LRP8: variants seen among roughly 807,000 people sequenced by gnomAD.
LRP8 encodes the protein LDL receptor related protein 8.
Under a neutral mutation model 111.6 loss-of-function variants are expected in LRP8, and 46 were observed. That is an observed-to-expected ratio of 0.41 (90% confidence interval 0.33 to 0.53). The LOEUF is 0.53. LRP8 is among the 20% of genes least tolerant of loss of function. The probability of loss-of-function intolerance (pLI) is 0.20; values close to 1 mark genes in which losing one functional copy is unlikely to be tolerated. For missense variants in LRP8, 959 were observed against 1,297.4 expected (o/e 0.74, Z 4.01); for synonymous variants, 464 against 511.2 (o/e 0.91, Z 1.24).
chr1:53,271,298 G>A lies in LRP8; in HGVS notation c.1055C>T (p.Thr352Ile). The A allele has an allele frequency of 6.2e-7, 1 of 1,614,046 alleles. No homozygotes were observed. Among genetic ancestry groups the A allele is most frequent in the Non-Finnish European group, 8.5e-7 (1 of 1,180,022 alleles). ...HNNGGCSHIC[T>I]DLKIGFECTC... is the part of the protein sequence containing the mutation. ...GCATTCAAAGCCAATCTTGAGGTCA[G>A]TGCAGATGTGTGAGCAGCCGCCATT... Residue 352 changes from threonine to isoleucine, a missense_variant, in exon 7 of 19, where the codon ACT (threonine) becomes ATT (isoleucine). Physicochemically the swap from Thr to Ile is moderately conservative, Grantham distance 89 (BLOSUM62 -1). Coordinates refer to ENST00000306052, the MANE Select transcript of LRP8 (RefSeq NM_004631.5).
In LRP8 at chr1:53,275,624, C is replaced by A; in HGVS notation, c.1006+7G>T. ...GAGGATGTGTTCTGTGCCCTGACCACACGCACCCTGTAGGCAGCCAGCTTC... is the reference window on the plus strand; with the variant it reads ...GAGGATGTGTTCTGTGCCCTGACCAAACGCACCCTGTAGGCAGCCAGCTTC... On this transcript the variant is annotated splice_region_variant and intron_variant, in intron 6 of 18. Transcript: ENST00000306052. The surrounding 1 kb of genome is among the most constrained non-coding windows in gnomAD (Gnocchi z 4.4). 6.2e-7 allele frequency: 1 copy of A among 1,613,916 alleles called. No homozygotes were observed. Among genetic ancestry groups the A allele is most frequent in the Non-Finnish European group, 8.5e-7 (1 of 1,179,890 alleles).
Position 53,270,920 on chromosome 1 carries a change from T to G in LRP8, c.1252+108A>C, listed in dbSNP as rs180760060. The G allele has an allele frequency of 3.5e-4, 527 of 1,510,504 alleles. 2 individuals are homozygous for G. Among genetic ancestry groups the G allele is most frequent in the Non-Finnish European group, 4.5e-5 (49 of 1,098,004 alleles). The allele number at this position is 1,510,504 out of a possible 1,614,324, so 93.6% of individuals were successfully genotyped here. On this transcript the variant is annotated intron_variant, in intron 8 of 18. Transcript: ENST00000306052. Reference sequence around the variant, plus strand: ...TCCCGTACCTCTCAGTAACACAACCTGCCTTCTTGTGTGTGCGCACATGTA... The same window carrying G: ...TCCCGTACCTCTCAGTAACACAACCGGCCTTCTTGTGTGTGCGCACATGTA...
At chr1:53,289,814 G>A in intron 2 of LRP8, 125 bp from the exon 3 acceptor site, 1 of 1,245,478 alleles carries the variant, frequency 8.0e-7, no homozygotes, top group Non-Finnish European at 1.1e-6. Context: ...CAGAGGACAG[G>A]AGAGACAAGC....
chr1:53,246,886 A>T lies in LRP8; in HGVS notation c.*132T>A, dbSNP rs577565489. ...GGTTACCTTTCCGCAACATAAATTTAAAAAAAAAATCACACACACACATAC... is the reference window on the plus strand; with the variant it reads ...GGTTACCTTTCCGCAACATAAATTTTAAAAAAAAATCACACACACACATAC... On this transcript the variant is annotated 3_prime_UTR_variant, in exon 19 of 19. Coordinates refer to ENST00000306052, the MANE Select transcript of LRP8 (RefSeq NM_004631.5). 1.0e-4 allele frequency: 62 copies of T among 598,066 alleles called. No homozygotes were observed. The highest frequency in any genetic ancestry group is 6.6e-4 in the African/African-American group (27 of 40,952). 37.0% of individuals were successfully genotyped at this position (598,066 alleles called of 1,614,324 possible).
At position 53,265,772 on chromosome 1, in the gene LRP8, G is replaced by A. The variant is rs74086828; in HGVS notation, c.1427+701C>T. On this transcript the variant is annotated intron_variant, in intron 9 of 18. Transcript: ENST00000306052. ...ATCAGTGACTCAGTGTCTACCCAGC[G>A]CCTGGTCATCGGCATTCCTGCCAAG... 2.8e-3 allele frequency among the ~76,000 whole-genome samples: 426 copies of A among 152,326 alleles called. 1 individual carries two copies. The highest frequency in any genetic ancestry group is 9.9e-3 in the African/African-American group (410 of 41,566).
At chr1:53,261,712 C>T (rs1646346082) in intron 12 of LRP8, among the ~76,000 whole-genome samples, 1 of 152,212 alleles carries the variant, frequency 6.6e-6, no homozygotes, top group Non-Finnish European at 1.5e-5. Flanking sequence ...GTAAATGATT[C>T]TAAGGATATG....
Position 53,250,420 on chromosome 1 carries a change from G to A in LRP8, c.2676+270C>T, listed in dbSNP as rs1251197639. On this transcript the variant is annotated intron_variant, in intron 17 of 18. Transcript: ENST00000306052. The surrounding 1 kb of genome is among the most constrained non-coding windows in gnomAD (Gnocchi z 4.6). ...TACCCCAGCATTTCTGTGTTCCCCA[G>A]GGCCTAGAACAGTGCCTGATACATG... Among the ~76,000 whole-genome samples the A allele has an allele frequency of 1.3e-5, 2 of 151,990 alleles. No homozygotes were observed. The highest frequency in any genetic ancestry group is 2.9e-5 in the Non-Finnish European group (2 of 68,022).
rs747304928 is a variant in LRP8, at chr1:53,264,179, G to A, written c.1645C>T (p.Pro549Ser). The A allele has an allele frequency of 1.2e-6, 2 of 1,613,988 alleles. No homozygotes were observed. Among genetic ancestry groups the A allele is most frequent in the Non-Finnish European group, 1.7e-6 (2 of 1,180,010 alleles). ...LSEPRAIAVDPLRGFMYWSDW... is the reference protein window; with the variant it reads ...LSEPRAIAVDSLRGFMYWSDW... Reference sequence around the variant, plus strand: ...AGTTGGGACACTCACCCTCGCAGGGGGTCAACAGCGATGGCCCGGGGTTCA... The same window carrying A: ...AGTTGGGACACTCACCCTCGCAGGGAGTCAACAGCGATGGCCCGGGGTTCA... The change falls in exon 10 of 19, where the codon CCC becomes TCC. Residue 549 changes from proline (P) to serine (S), a missense_variant. Pro to Ser is a moderately conservative substitution (Grantham distance 74, BLOSUM62 -1). Transcript: ENST00000306052.
At position 53,250,795 on chromosome 1, in the gene LRP8, T is replaced by G. The variant is rs2100340135; in HGVS notation, c.2571A>C (p.Lys857Asn). Residue 857 changes from lysine (K) to asparagine (N), a missense_variant, in exon 17 of 19, where the codon AAA (lysine) becomes AAC (asparagine). Around this residue, in one of 3 missense-constraint regions of LRP8, gnomAD observed 819 missense variants for 1,097.6 expected, o/e 0.75. Coordinates refer to ENST00000306052, the MANE Select transcript of LRP8 (RefSeq NM_004631.5). This position sits in a 1 kb window ranked among gnomAD's most constrained non-coding sequence, Gnocchi z 4.6. Reference sequence around the variant, plus strand: ...AGACTGGGTTGTCAAAATTCATGCTTTTGGTGTTCTTCCGCTTCCAGTTTC... The same window carrying G: ...AGACTGGGTTGTCAAAATTCATGCTGTTGGTGTTCTTCCGCTTCCAGTTTC... ...IWRNWKRKNT[K>N]SMNFDNPVYR... 1 of 1,614,144 alleles carries G rather than the reference T, an allele frequency of 6.2e-7. No individual in the cohort carries two copies. The highest frequency in any genetic ancestry group is 8.5e-7 in the Non-Finnish European group (1 of 1,180,014).
Position 53,289,646 on chromosome 1 carries a change from G to A in LRP8, c.288C>T (p.Gly96=). The A allele has an allele frequency of 1.2e-6, 2 of 1,613,790 alleles. No homozygotes were observed. The highest frequency in any genetic ancestry group is 1.7e-6 in the Non-Finnish European group (2 of 1,179,880). The part of the protein sequence containing the change: ...CADSDFTCDN[G]HCIHERWKCD... The stretch of plus-strand genomic sequence containing the variant: ...ACTTCCACCGTTCGTGGATGCAGTG[G>A]CCGTTGTCACAGGTGAAGTCACTGT... The change falls in exon 3 of 19, where the codon GGC becomes GGT. Residue 96 remains glycine, a synonymous_variant. Transcript: ENST00000306052.
intron 16 of LRP8, 104 bp downstream of exon 16, chr1:53,255,013 G>T: frequency 8.1e-7 from 1 of 1,242,156 alleles, no homozygotes; most frequent in Non-Finnish European, 1.2e-6. Flanking sequence ...TGCAAGGGCA[G>T]AACAAGTCAA....
At chr1:53,323,654 T>C (rs2100552723) in intron 2 of LRP8, among the ~76,000 whole-genome samples, 1 of 152,300 alleles carries the variant, frequency 6.6e-6, no homozygotes, top group South Asian at 2.1e-4. Context: ...TTTTCCCTCT[T>C]CCATCCCGCA....
At chr1:53,269,607 A>C (rs1311221669) in intron 8 of LRP8, among the ~76,000 whole-genome samples, 7 of 151,712 alleles carry the variant, frequency 4.6e-5, no homozygotes. Flanking sequence ...GAGCCACCAC[A>C]CCCACCCCCC....
At position 53,258,483 on chromosome 1, in the gene LRP8, G is replaced by T; in HGVS notation, c.2057-12C>A. 6.2e-7 allele frequency: 1 copy of T among 1,613,260 alleles called. No individual in the cohort carries two copies. Among genetic ancestry groups the T allele is most frequent in the South Asian group, 1.1e-5 (1 of 90,974 alleles). The stretch of plus-strand genomic sequence containing the variant: ...ACAGGCATCTGGAGCTAATGGCAGA[G>T]AGGGAGACAGCTGGGGCACAGACAG... On this transcript the variant is annotated splice_polypyrimidine_tract_variant and intron_variant, in intron 13 of 18. Transcript: ENST00000306052.
chr1:53,301,220 G>A (rs1031465153), intron 2 of LRP8, among the ~76,000 whole-genome samples: 1 of 152,150 alleles, frequency 6.6e-6, no homozygotes, highest in African/African-American at 2.4e-5. Flanking sequence ...GGGGCATTGG[G>A]GAACAAGGGA....
chr1:53,292,566 T>G (rs1648979343), intron 2 of LRP8, among the ~76,000 whole-genome samples: 1 of 152,220 alleles, frequency 6.6e-6, no homozygotes. Context: ...AATTTCCTAA[T>G]GTGAACACCA....
At chr1:53,305,840 C>T (rs926919743) in intron 2 of LRP8, 1 of 152,300 alleles carries the variant, frequency 6.6e-6, no homozygotes, top group African/African-American at 2.4e-5. Context: ...GTGCATGGGC[C>T]CTGGCACAGG....
rs1050960958 is a variant in LRP8, at chr1:53,303,518, A to C, written c.245-13829T>G. 5.3e-5 allele frequency among the ~76,000 whole-genome samples: 8 copies of C among 152,252 alleles called. No individual in the cohort carries two copies. The highest frequency in any genetic ancestry group is 1.2e-4 in the Non-Finnish European group (8 of 68,042). On this transcript the variant is annotated intron_variant, in intron 2 of 18. Transcript: ENST00000306052. The surrounding 1 kb of genome is among the most constrained non-coding windows in gnomAD (Gnocchi z 4.3). ...AAACTGCCGCTGAAGAGACTGGAGGAATCATAAGATAGTCTTCGAATCACA... is the reference window on the plus strand; with the variant it reads ...AAACTGCCGCTGAAGAGACTGGAGGCATCATAAGATAGTCTTCGAATCACA...
chr1:53,258,029 G>T, intron 14 of LRP8: 1 of 259,430 alleles, frequency 3.9e-6, no homozygotes, highest in Non-Finnish European at 7.4e-6. Flanking sequence ...GGCGATTAAG[G>T]GTTCTTAACT....
Sources: gnomAD v4.1 joint callset for allele counts (sites outside exome capture counted in the v4.1 genomes callset) on GRCh38, gnomAD v4.1.1 for gene constraint, gnomAD v4.1.1 regional missense constraint, Gnocchi (gnomAD v3.1) non-coding constraint, MANE v1.5 for transcripts, NCBI Gene and HGNC (gene_info 2026-07-23, HGNC 2026-07-21) for gene names.